NRIP1: variants seen among roughly 807,000 people sequenced by gnomAD.
The protein encoded by NRIP1 is nuclear receptor-interacting protein 1.
In NRIP1, 28 loss-of-function variants were observed where a neutral mutation model predicts 75.0. The observed-to-expected ratio is 0.37, with a 90% CI of 0.28 to 0.51. The LOEUF (loss-of-function observed/expected upper bound fraction) is 0.51, where lower values mean the gene tolerates loss of function less well. NRIP1 is among the 20% of genes least tolerant of loss of function. The pLI is 0.92. For missense variants in NRIP1, 1,435 were observed against 1,343.7 expected (o/e 1.07, Z -1.06); for synonymous variants, 526 against 487.6 (o/e 1.08, Z -1.04).
chr21:15,016,233 C>T (rs2088224562), intron 2 of NRIP1, among the ~76,000 whole-genome samples: 1 of 152,194 alleles, frequency 6.6e-6, no homozygotes, highest in Non-Finnish European at 1.5e-5. Context: ...TCAATTAAAT[C>T]TTGACTATAA....
At chr21:15,056,238 A>G (rs1294964779) in intron 1 of NRIP1, among the ~76,000 whole-genome samples, 3 of 151,682 alleles carry the variant, frequency 2.0e-5, no homozygotes, top group Non-Finnish European at 4.4e-5. Context: ...AAATCTAACG[A>G]TTCTATGAAA....
At chr21:15,052,670 T>A (rs1005827869) in intron 1 of NRIP1, among the ~76,000 whole-genome samples, 7 of 152,192 alleles carry the variant, frequency 4.6e-5, no homozygotes, top group African/African-American at 1.4e-4. Context: ...TTCAAATACG[T>A]CTTTTTTACA....
At chr21:15,016,205 A>G (rs2088223363) in intron 2 of NRIP1, among the ~76,000 whole-genome samples, 1 of 152,222 alleles carries the variant, frequency 6.6e-6, no homozygotes, top group African/African-American at 2.4e-5. Flanking sequence ...CATATGCCCC[A>G]AATTATAGAT....
intron 3 of NRIP1, among the ~76,000 whole-genome samples, chr21:14,984,328 C>T (rs1035699486): frequency 6.6e-6 from 1 of 150,582 alleles, no homozygotes; most frequent in Admixed American, 6.6e-5. Flanking sequence ...ATTTCTGTAA[C>T]CTCATAATAA....
intron 3 of NRIP1, among the ~76,000 whole-genome samples, chr21:14,988,806 A>G (rs1003783777): frequency 1.3e-5 from 2 of 152,174 alleles, no homozygotes; most frequent in Admixed American, 1.3e-4. Context: ...AGAGGGAGAC[A>G]GAAAGCTTCA....
chr21:15,063,601 C>T (rs1176030601), intron 1 of NRIP1, among the ~76,000 whole-genome samples: 1 of 152,186 alleles, frequency 6.6e-6, no homozygotes, highest in East Asian at 1.9e-4. Flanking sequence ...AACCCGACAA[C>T]CATTTTTACT....
intron 3 of NRIP1, among the ~76,000 whole-genome samples, chr21:14,976,771 A>C (rs1398860716): frequency 6.6e-6 from 1 of 152,228 alleles, no homozygotes; most frequent in Non-Finnish European, 1.5e-5. Context: ...TTGAGAATAG[A>C]GAAATAATGA....
chr21:15,061,488 G>T (rs2089422462), intron 1 of NRIP1, among the ~76,000 whole-genome samples: 1 of 152,052 alleles, frequency 6.6e-6, no homozygotes, highest in East Asian at 1.9e-4. Context: ...AGCAAGGGAG[G>T]GAGGGAAATG....
At chr21:14,988,483 T>C (rs1048232949) in intron 3 of NRIP1, among the ~76,000 whole-genome samples, 4 of 142,936 alleles carry the variant, frequency 2.8e-5, no homozygotes, top group East Asian at 4.2e-4. Context: ...ATAATATAGA[T>C]AGATAGTATA....
intron 2 of NRIP1, among the ~76,000 whole-genome samples, chr21:15,023,830 C>A (rs1396325168): frequency 1.3e-5 from 2 of 152,180 alleles, no homozygotes; most frequent in African/African-American, 4.8e-5. Flanking sequence ...AGCTAGTGCG[C>A]TCCTGGAAAG....
chr21:15,046,409 G>C (rs936516718), intron 1 of NRIP1, among the ~76,000 whole-genome samples: 3 of 152,142 alleles, frequency 2.0e-5, no homozygotes, highest in African/African-American at 7.2e-5. Context: ...TTTTTTCTGA[G>C]CAGTTGGTCT....
chr21:14,966,158 T>G lies in NRIP1; in HGVS notation c.2035A>C (p.Asn679His). The change falls in exon 4 of 4, where the codon AAT becomes CAT. Residue 679 changes from asparagine (N) to histidine (H), a missense_variant. Physicochemically the swap from Asn to His is moderately conservative, Grantham distance 68 (BLOSUM62 1). Transcript: ENST00000318948. ...LNSPLLSNKT[N>H]AVEENKAFSS... ...AATGCTTTATTTTCTTCAACTGCAT[T>G]TGTTTTATTTGAGAGCAAAGGGCTA... 26 of 1,613,430 alleles carry G rather than the reference T, an allele frequency of 1.6e-5. No homozygotes were observed. Among genetic ancestry groups the G allele is most frequent in the Non-Finnish European group, 2.2e-5 (26 of 1,179,880 alleles).
chr21:14,968,747 A>T (rs2086828746), intron 3 of NRIP1, among the ~76,000 whole-genome samples: 1 of 152,184 alleles, frequency 6.6e-6, no homozygotes, highest in African/African-American at 2.4e-5. Context: ...CATACTGTTA[A>T]AATGATCAAA....
chr21:14,987,676 T>G (rs776626622), intron 3 of NRIP1, among the ~76,000 whole-genome samples: 1 of 152,188 alleles, frequency 6.6e-6, no homozygotes, highest in East Asian at 1.9e-4. Context: ...GACCGTTGAT[T>G]CCTACAAAGT....
intron 2 of NRIP1, among the ~76,000 whole-genome samples, chr21:15,028,551 G>GA (rs1299640104): frequency 1.4e-4 from 21 of 152,152 alleles, no homozygotes; most frequent in Non-Finnish European, 2.8e-4. Context: ...GTTTGGGGCT[G>GA]AAAAATCAGG....
rs991710847 is a variant in NRIP1, at chr21:14,964,531, A to G, written c.*185T>C. On this transcript the variant is annotated 3_prime_UTR_variant, in exon 4 of 4. Coordinates refer to ENST00000318948, the MANE Select transcript of NRIP1 (RefSeq NM_003489.4). ...CAATTGCTAGTTCAGTAGTTTCCTC[A>G]TGACATCTAATGTTAAGCAAAAATT... 8.2e-6 allele frequency: 4 copies of G among 486,302 alleles called. No individual in the cohort carries two copies. The South Asian group carries it at 1.8e-4, about 22-fold the overall frequency. 30.1% of individuals were successfully genotyped at this position (486,302 alleles called of 1,614,324 possible). A position where few individuals can be genotyped will look rare whatever the true frequency, so the allele number is the denominator to read the frequency against.
In NRIP1 at chr21:14,964,900, C is replaced by A. The variant is rs1372954778; in HGVS notation, c.3293G>T (p.Ser1098Ile). The A allele has an allele frequency of 1.1e-5, 18 of 1,613,170 alleles. No individual in the cohort carries two copies. Among genetic ancestry groups the A allele is most frequent in the Non-Finnish European group, 1.4e-5 (16 of 1,179,624 alleles). ...DIWREASSAE[S>I]VSQVTAKEEL... ...TTCTTTGGCTGTGACCTGTGAGACA[C>A]TTTCAGCAGATGAAGCCTCCCTCCA... The change falls in exon 4 of 4, where the codon AGT becomes ATT. Residue 1098 changes from serine (S) to isoleucine (I), a missense_variant. Transcript: ENST00000318948.
At chr21:15,003,813 G>A (rs1175015374) in intron 3 of NRIP1, among the ~76,000 whole-genome samples, 1 of 152,142 alleles carries the variant, frequency 6.6e-6, no homozygotes, top group Non-Finnish European at 1.5e-5. Context: ...TTTAGGTACT[G>A]GAAACTACAC....
chr21:14,983,190 C>A (rs1295426052), intron 3 of NRIP1, among the ~76,000 whole-genome samples: 1 of 151,484 alleles, frequency 6.6e-6, no homozygotes, highest in East Asian at 1.9e-4. Flanking sequence ...GCCTCTTGCA[C>A]CAGTTAACCA....
Sources: allele counts gnomAD v4.1 joint callset (sites outside exome capture counted in the v4.1 genomes callset), GRCh38; gene constraint gnomAD v4.1.1; transcripts MANE v1.5; gene names NCBI Gene and HGNC (gene_info 2026-07-23, HGNC 2026-07-21).